Variants in KCNN2 observed in about 807,000 individuals in gnomAD.
KCNN2 encodes the protein potassium calcium-activated channel subfamily N member 2, also known as small conductance calcium-activated potassium channel protein 2.
KCNN2 carries 24 observed loss-of-function variants against 55.5 expected under a neutral mutation model. The ratio of observed to expected loss-of-function variants is 0.43; its 90% CI spans 0.31 to 0.61. The LOEUF (loss-of-function observed/expected upper bound fraction) is 0.61, where lower values mean the gene tolerates loss of function less well. KCNN2 is among the 20% of genes least tolerant of loss of function. The pLI is 0.08. For missense variants in KCNN2, 754 were observed against 853.6 expected, an observed-to-expected ratio of 0.88 and a Z score of 1.45; for synonymous variants, 431 against 336.1, an observed-to-expected ratio of 1.28 and a Z score of -3.09.
At chr5:114,472,301 A>C (rs540772088) in intron 4 of KCNN2, among the ~76,000 whole-genome samples, 36 of 152,306 alleles carry the variant, frequency 2.4e-4, no homozygotes, top group African/African-American at 7.9e-4. Flanking sequence ...GAGCGGGAGG[A>C]CTGTAATTCT....
In KCNN2 at chr5:114,443,505, G is replaced by C. The variant is rs367881649; in HGVS notation, c.1638-19544G>C. Among the ~76,000 whole-genome samples, 10 of 152,334 alleles carry C rather than the reference G, an allele frequency of 6.6e-5. 2 individuals carry two copies. The South Asian group carries it at 2.1e-3, about 32-fold the overall frequency. On this transcript the variant is annotated intron_variant, in intron 3 of 7. Transcript: ENST00000673685. ...GCTTCGTTGGGATTATGTAAGGAATGCCTTGCTTCCACAGTCTAAATCAGA... is the reference window on the plus strand; with the variant it reads ...GCTTCGTTGGGATTATGTAAGGAATCCCTTGCTTCCACAGTCTAAATCAGA...
intron 2 of KCNN2, among the ~76,000 whole-genome samples, chr5:114,262,680 C>G (rs1580671274): frequency 6.6e-6 from 1 of 152,114 alleles, no homozygotes; most frequent in Non-Finnish European, 1.5e-5. Flanking sequence ...GCAGGTGAAA[C>G]TTATGTTTTT....
At chr5:114,105,539 A>T (rs1158210996) in intron 1 of KCNN2, among the ~76,000 whole-genome samples, 2 of 152,124 alleles carry the variant, frequency 1.3e-5, no homozygotes, top group Non-Finnish European at 2.9e-5. Flanking sequence ...AAAAACATTA[A>T]GATGTGCTTT....
rs1758165391 is a variant in KCNN2 at position 114,382,800 on chromosome 5, AC to A, written c.1218+18800del. Among the ~76,000 whole-genome samples the A allele has an allele frequency of 3.3e-5, 5 of 152,290 alleles. No individual in the cohort carries two copies. The South Asian group carries it at 1.0e-3, about 32-fold the overall frequency. ...TCCAGTCATATGCCCAACCCTGGAA[AC>A]TGGCCACTCCAAGGATTAGCAGCTT... On this transcript the variant is annotated intron_variant, in intron 2 of 7. Transcript: ENST00000673685.
chr5:114,082,746 C>G (rs948860956), intron 1 of KCNN2, among the ~76,000 whole-genome samples: 4 of 152,122 alleles, frequency 2.6e-5, no homozygotes, highest in Non-Finnish European at 5.9e-5. Flanking sequence ...GAATGAAATT[C>G]TGATATATGC....
intron 2 of KCNN2, among the ~76,000 whole-genome samples, chr5:114,350,237 A>G (rs967301371): frequency 6.6e-6 from 1 of 151,882 alleles, no homozygotes; most frequent in African/African-American, 2.4e-5. Context: ...TCACTTTAAC[A>G]TTTATTATTT....
At chr5:114,220,548 T>TA (rs1235256142) in intron 1 of KCNN2, among the ~76,000 whole-genome samples, 2 of 151,916 alleles carry the variant, frequency 1.3e-5, no homozygotes, top group Non-Finnish European at 2.9e-5. Flanking sequence ...AAATGTTTTT[T>TA]AAAAAAAGAG....
At chr5:114,433,479 G>A (rs1379240698) in intron 3 of KCNN2, 1 of 152,300 alleles carries the variant, frequency 6.6e-6, no homozygotes, top group East Asian at 1.9e-4. Context: ...GGCCAGATAA[G>A]AGAATAAAAG....
At chr5:114,385,095 A>G (rs989873039) in intron 2 of KCNN2, among the ~76,000 whole-genome samples, 3 of 152,012 alleles carry the variant, frequency 2.0e-5, no homozygotes, top group Admixed American at 6.6e-5. Context: ...GTGTTGCCCT[A>G]TTTTGTTTCT....
intron 1 of KCNN2, among the ~76,000 whole-genome samples, chr5:114,083,088 A>G (rs1198614447): frequency 6.6e-6 from 1 of 152,164 alleles, no homozygotes; most frequent in African/African-American, 2.4e-5. Flanking sequence ...ACCACAATAT[A>G]AATCTAAAAA....
At chr5:114,117,711 G>A (rs1277965042) in intron 1 of KCNN2, among the ~76,000 whole-genome samples, 2 of 152,126 alleles carry the variant, frequency 1.3e-5, no homozygotes, top group Non-Finnish European at 2.9e-5. Context: ...CTTTCAGTGG[G>A]AAGAACTGCA....
chr5:114,303,186 T>C (rs1396003200), intron 2 of KCNN2, among the ~76,000 whole-genome samples: 1 of 152,228 alleles, frequency 6.6e-6, no homozygotes, highest in African/African-American at 2.4e-5. Context: ...CAGTATACCA[T>C]ATTTATTGCT....
intron 4 of KCNN2, among the ~76,000 whole-genome samples, chr5:114,465,639 A>G (rs1359230089): frequency 6.6e-6 from 1 of 151,948 alleles, no homozygotes; most frequent in Non-Finnish European, 1.5e-5. Context: ...GAGAGAGGTT[A>G]TAGTACCATT....
chr5:114,163,937 A>G (rs1315869429), intron 1 of KCNN2, among the ~76,000 whole-genome samples: 1 of 151,710 alleles, frequency 6.6e-6, no homozygotes, highest in Non-Finnish European at 1.5e-5. Context: ...CTTTTTTTTA[A>G]GTATGCTTTA....
At chr5:114,095,719 A>C (rs2112561772) in intron 1 of KCNN2, among the ~76,000 whole-genome samples, 1 of 151,318 alleles carries the variant, frequency 6.6e-6, no homozygotes, top group South Asian at 2.1e-4. Context: ...GGCCTACCTA[A>C]CTCCTTTTAG....
intron 1 of KCNN2, among the ~76,000 whole-genome samples, chr5:114,202,496 AATATAT>A (rs10555014): frequency 0.02 from 2,783 of 139,668 alleles, 80 homozygotes; most frequent in African/African-American, 0.068. Context: ...CTTCATGCCT[AATATAT>A]ATATATATAT....
intron 1 of KCNN2, 91 bp from the exon 2 acceptor site, chr5:114,363,815 C>A: frequency 1.2e-6 from 1 of 852,826 alleles, no homozygotes. Context: ...GAGTTCAGGT[C>A]CACCTGTGGG....
At chr5:114,267,275 G>A (rs926955346) in intron 2 of KCNN2, among the ~76,000 whole-genome samples, 4 of 152,214 alleles carry the variant, frequency 2.6e-5, no homozygotes, top group Non-Finnish European at 4.4e-5. Context: ...GATTACAGGC[G>A]TGAGCCACTG....
At chr5:114,166,594 G>A (rs1752917819) in intron 1 of KCNN2, among the ~76,000 whole-genome samples, 1 of 152,128 alleles carries the variant, frequency 6.6e-6, no homozygotes, top group Non-Finnish European at 1.5e-5. Flanking sequence ...AGTCATAAAA[G>A]GTGGTACGGT....
Sources: allele counts gnomAD v4.1 joint callset (sites outside exome capture counted in the v4.1 genomes callset), GRCh38; gene constraint gnomAD v4.1.1; transcripts MANE v1.5; gene names NCBI Gene and HGNC (gene_info 2026-07-23, HGNC 2026-07-21).